RP1: variants seen among roughly 807,000 people sequenced by gnomAD.
RP1 encodes RP1 axonemal microtubule associated.
In RP1, 16 loss-of-function variants were observed where a neutral mutation model predicts 14.8. That is an observed-to-expected ratio of 1.08 (90% CI 0.73 to 1.65). The LOEUF is 1.65. Ranked by LOEUF, RP1 falls within the 40% of genes most tolerant of loss-of-function variation. The pLI is 0.00. For synonymous variants in RP1, 876 were observed against 883.6 expected (o/e 0.99, Z 0.15); for missense variants, 2,631 against 2,535.0 (o/e 1.04, Z -0.81).
At chr8:54,784,754 AT>A (rs1393867323) in intron 24 of RP1, among the ~76,000 whole-genome samples, 1 of 152,094 alleles carries the variant, frequency 6.6e-6, no homozygotes, top group African/African-American at 2.4e-5. Flanking sequence ...GCCATACAAC[AT>A]ATTTAATAAT....
chr8:54,843,710 G>T (rs538651363), intron 25 of RP1, among the ~76,000 whole-genome samples: 3 of 152,118 alleles, frequency 2.0e-5, no homozygotes, highest in African/African-American at 7.2e-5. Flanking sequence ...AAGTTTGGTC[G>T]CTCTGACTGC....
intron 24 of RP1, among the ~76,000 whole-genome samples, chr8:54,798,103 T>C (rs1273538238): frequency 2.0e-5 from 3 of 152,132 alleles, no homozygotes; most frequent in African/African-American, 7.2e-5. Flanking sequence ...AACCTCCGCC[T>C]CCTGGGCTCA....
downstream of RP1, among the ~76,000 whole-genome samples, chr8:54,632,549 A>C (rs1178017347): frequency 1.3e-5 from 2 of 152,226 alleles, no homozygotes; most frequent in Non-Finnish European, 1.5e-5. Context: ...ATGTGTGTTA[A>C]ATGGATAAGA....
intron 12 of RP1, among the ~76,000 whole-genome samples, chr8:54,681,210 C>T (rs1384430641): frequency 2.0e-5 from 3 of 152,016 alleles, no homozygotes; most frequent in Non-Finnish European, 2.9e-5. Context: ...AAAAATATCT[C>T]CCATTGTTAA....
At chr8:54,678,465 T>G in exon 9 of RP1, 1 of 1,533,914 alleles carries the variant, frequency 6.5e-7, no homozygotes, top group Non-Finnish European at 8.7e-7. Flanking sequence ...GTTTAGGAAA[T>G]GGTTGGTTTC....
rs1806074609 is a variant in RP1 at position 54,626,925 on chromosome 8, G to A, written c.3043G>A (p.Ala1015Thr). ...GACACAGGTTGGATCTCTGAATGAT[G>A]CTTATTTGGTTCCCCTGCATGAACA... ...HETQVGSLNDAYLVPLHEHCT... is the reference protein window; with the variant it reads ...HETQVGSLNDTYLVPLHEHCT... Residue 1015 changes from alanine to threonine, a missense_variant, in exon 4 of 4, where the codon GCT becomes ACT. Ala to Thr is a moderately conservative substitution (Grantham distance 58). Coordinates refer to ENST00000220676, the MANE Select transcript of RP1 (RefSeq NM_006269.2). The A allele has an allele frequency of 1.2e-6, 2 of 1,613,908 alleles. No homozygotes were observed. Among genetic ancestry groups the A allele is most frequent in the Non-Finnish European group, 1.7e-6 (2 of 1,179,966 alleles).
At chr8:54,741,632 C>T (rs1563363318) in intron 19 of RP1, among the ~76,000 whole-genome samples, 1 of 141,898 alleles carries the variant, frequency 7.0e-6, no homozygotes, top group Non-Finnish European at 1.5e-5. Context: ...CATTGTTAAA[C>T]AACACATGAA....
intron 7 of RP1, chr8:54,673,821 A>G: frequency 6.7e-7 from 1 of 1,482,546 alleles, no homozygotes. Flanking sequence ...TATAGTCTAG[A>G]TCTAATTATA....
At chr8:54,806,832 A>G (rs1810863587) in intron 24 of RP1, among the ~76,000 whole-genome samples, 1 of 152,190 alleles carries the variant, frequency 6.6e-6, no homozygotes, top group Admixed American at 6.5e-5. Context: ...GGAGATGGAT[A>G]ATTATCTTCA....
At chr8:54,736,020 A>C (rs1808910961) in intron 18 of RP1, among the ~76,000 whole-genome samples, 2 of 152,158 alleles carry the variant, frequency 1.3e-5, no homozygotes, top group Non-Finnish European at 1.5e-5. Flanking sequence ...TTCTAGTTTA[A>C]TTTGCCTGAG....
At chr8:54,747,258 C>A (rs1342705838) in intron 19 of RP1, among the ~76,000 whole-genome samples, 1 of 152,146 alleles carries the variant, frequency 6.6e-6, no homozygotes, top group Non-Finnish European at 1.5e-5. Flanking sequence ...CTCATGTAAT[C>A]TGTCCCCTGC....
At chr8:54,707,561 C>T (rs1423775304) in intron 15 of RP1, among the ~76,000 whole-genome samples, 2 of 152,188 alleles carry the variant, frequency 1.3e-5, no homozygotes, top group African/African-American at 4.8e-5. Context: ...TTAATGCTCT[C>T]CATCTATTAT....
intron 7 of RP1, among the ~76,000 whole-genome samples, chr8:54,668,179 T>A (rs1807060786): frequency 6.6e-6 from 1 of 152,082 alleles, no homozygotes; most frequent in Non-Finnish European, 1.5e-5. Flanking sequence ...CAAGACTGGT[T>A]CAACATATGC....
At chr8:54,696,631 CT>C in intron 12 of RP1, 2 of 825,390 alleles carry the variant, frequency 2.4e-6, no homozygotes, top group South Asian at 1.5e-5. Flanking sequence ...AACCTCATGC[CT>C]TAGAATTGCC....
In RP1 at chr8:54,769,627, T is replaced by C. The variant is rs140834151; in HGVS notation, c.3249-114T>C. On this transcript the variant is annotated intron_variant, in intron 22 of 22. Coordinates refer to the RP1 transcript ENST00000636932. ...AAAAAGCAACTTTATAGTTAACATT[T>C]AGTGTGCAAAATTAATGCAGAATCA... 1,773 of 721,270 alleles carry C rather than the reference T, an allele frequency of 2.5e-3. 18 individuals are homozygous for C. The highest frequency in any genetic ancestry group is 2.0e-3 in the Non-Finnish European group (861 of 439,888). The allele number at this position is 721,270 out of a possible 1,614,324, so 44.7% of individuals were successfully genotyped here.
At chr8:54,724,153 T>C (rs895186395) in intron 16 of RP1, among the ~76,000 whole-genome samples, 2 of 152,262 alleles carry the variant, frequency 1.3e-5, no homozygotes, top group African/African-American at 4.8e-5. Flanking sequence ...AATGAAATAC[T>C]GTCATATATC....
intron 1 of RP1, among the ~76,000 whole-genome samples, chr8:54,572,338 A>G (rs1406485078): frequency 6.6e-6 from 1 of 152,262 alleles, no homozygotes; most frequent in African/African-American, 2.4e-5. Flanking sequence ...AATCTTCTGG[A>G]TCAATAAACA....
At chr8:54,835,541 C>T (rs961152350) in intron 24 of RP1, among the ~76,000 whole-genome samples, 1 of 152,020 alleles carries the variant, frequency 6.6e-6, no homozygotes, top group African/African-American at 2.4e-5. Context: ...TCTGTCCTGT[C>T]TTTAGATTAG....
At position 54,576,724 on chromosome 8, in the gene RP1, G is replaced by C. The variant is rs188417851; in HGVS notation, c.-13+17404G>C. 3.9e-3 allele frequency among the ~76,000 whole-genome samples: 594 copies of C among 152,326 alleles called. 2 individuals carry two copies. The highest frequency in any genetic ancestry group is 0.013 in the African/African-American group (551 of 41,564). ...AGTCTGGAAGTGAAAACACTGGGAA[G>C]TGATTTATCTTCAGGGCAAGAGTTA... On this transcript the variant is annotated intron_variant, in intron 1 of 22. Coordinates refer to the RP1 transcript ENST00000636932.
Sources: allele counts gnomAD v4.1 joint callset (sites outside exome capture counted in the v4.1 genomes callset), GRCh38; gene constraint gnomAD v4.1.1; transcripts MANE v1.5; gene names NCBI Gene and HGNC (gene_info 2026-07-23, HGNC 2026-07-21).